The following BORCS5 variants were observed in gnomAD, a reference collection of about 807,000 sequenced individuals.
BORCS5 encodes the protein BLOC-1-related complex subunit 5.
Under a neutral mutation model 22.1 loss-of-function variants are expected in BORCS5, and 17 were observed. The observed-to-expected ratio is 0.77, with a 90% CI of 0.53 to 1.15. BORCS5 has a LOEUF of 1.15. Among genes scored for constraint, BORCS5 ranks in the 50% most tolerant of loss-of-function variants. BORCS5 has a pLI of 0.00. For synonymous variants in BORCS5, 117 were observed against 99.8 expected, an observed-to-expected ratio of 1.17 and a Z score of -1.03; for missense variants, 247 against 253.2, an observed-to-expected ratio of 0.98 and a Z score of 0.17.
chr12:12,450,706 C>T (rs1183880501), intron 3 of BORCS5, among the ~76,000 whole-genome samples: 10 of 152,184 alleles, frequency 6.6e-5, no homozygotes, highest in South Asian at 2.1e-4. Context: ...AAAATGGAGC[C>T]GAAAAGCATG....
At chr12:12,434,232 A>G (rs1942502218) in intron 2 of BORCS5, among the ~76,000 whole-genome samples, 1 of 148,014 alleles carries the variant, frequency 6.8e-6, no homozygotes, top group Non-Finnish European at 1.5e-5. Flanking sequence ...GCAGTGAGCT[A>G]AGATCACGCC....
intron 2 of BORCS5, among the ~76,000 whole-genome samples, chr12:12,411,233 T>C (rs1941724225): frequency 1.3e-5 from 2 of 152,198 alleles, no homozygotes. Flanking sequence ...TCCTGCCTGA[T>C]TGCCCTGGCC....
chr12:12,421,410 G>C (rs1468818938), intron 2 of BORCS5, among the ~76,000 whole-genome samples: 1 of 152,118 alleles, frequency 6.6e-6, no homozygotes, highest in African/African-American at 2.4e-5. Flanking sequence ...CGACTTGATC[G>C]TGGTAGGTAA....
intron 3 of BORCS5, among the ~76,000 whole-genome samples, chr12:12,465,337 C>T (rs1196962118): frequency 6.6e-6 from 1 of 152,190 alleles, no homozygotes; most frequent in African/African-American, 2.4e-5. Flanking sequence ...CAGGGACAGT[C>T]CCCTCTCAGT....
chr12:12,463,632 G>T lies in BORCS5; in HGVS notation c.361-1914G>T, dbSNP rs116835791. Among the ~76,000 whole-genome samples, 499 of 152,226 alleles carry T rather than the reference G, an allele frequency of 3.3e-3. 1 individual carries two copies. The highest frequency in any genetic ancestry group is 0.011 in the African/African-American group (458 of 41,518). The stretch of plus-strand genomic sequence containing the variant: ...TGGAAGTAAGACATGATGTCAGCAC[G>T]CATGAACAACCTGTTTGAACTCAGT... On this transcript the variant is annotated intron_variant, in intron 3 of 3. Coordinates refer to ENST00000314565, the MANE Select transcript of BORCS5 (RefSeq NM_058169.6).
intron 2 of BORCS5, among the ~76,000 whole-genome samples, chr12:12,387,264 A>G (rs1863903628): frequency 6.6e-6 from 1 of 151,440 alleles, no homozygotes; most frequent in Non-Finnish European, 1.5e-5. Flanking sequence ...AGCTGAAGGA[A>G]TCGGGGTTGT....
chr12:12,466,037 G>A lies in BORCS5; in HGVS notation c.*261G>A. On this transcript the variant is annotated 3_prime_UTR_variant, in exon 4 of 4. Transcript: ENST00000314565. ...TGTGAATTATTAGGAATTCTTTGAA[G>A]AACTCTGCATTGAGAATTATTTTTA... 2.3e-6 allele frequency: 1 copy of A among 439,840 alleles called. No individual in the cohort carries two copies. Among genetic ancestry groups the A allele is most frequent in the Non-Finnish European group, 4.0e-6 (1 of 247,862 alleles). 27.2% of individuals were successfully genotyped at this position (439,840 alleles called of 1,614,324 possible).
chr12:12,380,543 C>T (rs1485237108), intron 2 of BORCS5, among the ~76,000 whole-genome samples: 2 of 151,538 alleles, frequency 1.3e-5, no homozygotes, highest in Admixed American at 6.6e-5. Flanking sequence ...AGTCTGACTT[C>T]CAGTTTTTGC....
intron 3 of BORCS5, among the ~76,000 whole-genome samples, chr12:12,458,698 C>T (rs1421910223): frequency 6.6e-6 from 1 of 151,202 alleles, no homozygotes; most frequent in Non-Finnish European, 1.5e-5. Flanking sequence ...CCTGGCTGGC[C>T]ACGGTGGCTC....
intron 2 of BORCS5, among the ~76,000 whole-genome samples, chr12:12,414,230 G>A (rs1216729133): frequency 1.6e-3 from 126 of 79,526 alleles, no homozygotes; most frequent in African/African-American, 6.5e-3. Context: ...CCTCCCTCCC[G>A]GACGGGGCGG....
chr12:12,409,021 T>C (rs1359816132), intron 2 of BORCS5, among the ~76,000 whole-genome samples: 1 of 152,122 alleles, frequency 6.6e-6, no homozygotes, highest in Non-Finnish European at 1.5e-5. Flanking sequence ...CACACCCCTT[T>C]CGCCAGCGGC....
chr12:12,408,756 G>GTA (rs770428568), intron 2 of BORCS5, among the ~76,000 whole-genome samples: 9 of 152,072 alleles, frequency 5.9e-5, no homozygotes, highest in Admixed American at 4.6e-4. Flanking sequence ...TACCACATGT[G>GTA]TATATATATA....
At chr12:12,461,479 C>G (rs1313272327) in intron 3 of BORCS5, among the ~76,000 whole-genome samples, 1 of 152,092 alleles carries the variant, frequency 6.6e-6, no homozygotes, top group Non-Finnish European at 1.5e-5. Context: ...GCCAGCATTC[C>G]TATCTGTCAG....
At chr12:12,383,749 T>C (rs1863822795) in intron 2 of BORCS5, among the ~76,000 whole-genome samples, 1 of 151,064 alleles carries the variant, frequency 6.6e-6, no homozygotes, top group Non-Finnish European at 1.5e-5. Flanking sequence ...ATTTCAGGAT[T>C]TTTTTTTCCT....
intron 2 of BORCS5, among the ~76,000 whole-genome samples, chr12:12,403,700 G>A (rs946313853): frequency 6.6e-6 from 1 of 152,168 alleles, no homozygotes; most frequent in Non-Finnish European, 1.5e-5. Context: ...GACTTGGAAC[G>A]TGGAAACCCA....
intron 3 of BORCS5, among the ~76,000 whole-genome samples, chr12:12,463,810 A>T (rs948327528): frequency 6.6e-6 from 1 of 152,194 alleles, no homozygotes; most frequent in African/African-American, 2.4e-5. Flanking sequence ...TCAGGTGTGA[A>T]TCGGGGATGG....
intron 2 of BORCS5, among the ~76,000 whole-genome samples, chr12:12,406,157 CA>C (rs1467948691): frequency 6.6e-6 from 1 of 152,240 alleles, no homozygotes; most frequent in East Asian, 1.9e-4. Context: ...CCCCTATTTA[CA>C]GTCTGGAGTG....
At chr12:12,408,550 C>T (rs2193270) in intron 2 of BORCS5, among the ~76,000 whole-genome samples, 39,843 of 152,122 alleles carry the variant, frequency 0.26, 5,571 homozygotes, top group African/African-American at 0.37. Context: ...TAAACAGCAA[C>T]TTCCTATCCT....
chr12:12,408,888 T>A (rs973324284), intron 2 of BORCS5, among the ~76,000 whole-genome samples: 7 of 152,250 alleles, frequency 4.6e-5, no homozygotes. Context: ...TAAATCATGT[T>A]CTTTGAAAAT....
Sources: allele counts gnomAD v4.1 joint callset (sites outside exome capture counted in the v4.1 genomes callset), GRCh38; gene constraint gnomAD v4.1.1; transcripts MANE v1.5; gene names NCBI Gene and HGNC (gene_info 2026-07-23, HGNC 2026-07-21).